Variants in DISC1 observed in about 807,000 individuals in gnomAD.
DISC1 encodes disrupted in schizophrenia 1 protein.
In DISC1, 57 loss-of-function variants were observed where a neutral mutation model predicts 84.5. The ratio of observed to expected loss-of-function variants is 0.67; its 90% CI spans 0.55 to 0.84. The LOEUF (loss-of-function observed/expected upper bound fraction) is 0.84. Among genes scored for constraint, DISC1 ranks in the 40% least tolerant of loss-of-function variants. The pLI is 0.00. For missense variants in DISC1, 1,000 were observed against 1,057.8 expected (o/e 0.95, Z 0.76); for synonymous variants, 411 against 415.2 (o/e 0.99, Z 0.12).
At position 231,693,916 on chromosome 1, in the gene DISC1, G is replaced by A; in HGVS notation, c.158G>A (p.Gly53Glu). The A allele has an allele frequency of 6.2e-7, 1 of 1,614,210 alleles. No individual in the cohort carries two copies. The highest frequency in any genetic ancestry group is 8.5e-7 in the Non-Finnish European group (1 of 1,180,038). ...PGYMRSSTGPGIGFLSPAVGT... is the reference protein window; with the variant it reads ...PGYMRSSTGPEIGFLSPAVGT... ...TACATGAGAAGCTCGACAGGGCCTG[G>A]GATCGGGTTCCTTTCCCCAGCAGTG... is the stretch of plus-strand genomic sequence containing the variant. Residue 53 changes from glycine to glutamate, a missense_variant, in exon 2 of 13, where the codon GGG becomes GAG. Transcript: ENST00000439617.
chr1:231,848,043 G>A (rs2083589823), intron 9 of DISC1, among the ~76,000 whole-genome samples: 1 of 152,206 alleles, frequency 6.6e-6, no homozygotes, highest in African/African-American at 2.4e-5. Flanking sequence ...AAAGGAGGCA[G>A]TTTGCCTGAG....
At chr1:231,709,988 G>C (rs933857381) in intron 3 of DISC1, among the ~76,000 whole-genome samples, 3 of 152,122 alleles carry the variant, frequency 2.0e-5, no homozygotes, top group African/African-American at 7.2e-5. Context: ...TGGGATTCCA[G>C]GTAGGTCTTG....
intron 5 of DISC1, among the ~76,000 whole-genome samples, chr1:231,770,297 T>A (rs946150019): frequency 7.9e-5 from 12 of 152,198 alleles, no homozygotes; most frequent in Non-Finnish European, 1.5e-4. Context: ...TAACATTTAT[T>A]TATATTTTCA....
intron 11 of DISC1, among the ~76,000 whole-genome samples, chr1:232,013,692 G>A (rs556405825): frequency 6.6e-6 from 1 of 152,168 alleles, no homozygotes; most frequent in East Asian, 1.9e-4. Flanking sequence ...ATAGACTGGG[G>A]GGTGAGCGGA....
chr1:231,636,430 C>T (rs974247106), intron 1 of DISC1, among the ~76,000 whole-genome samples: 2 of 152,106 alleles, frequency 1.3e-5, no homozygotes, highest in Admixed American at 6.5e-5. Context: ...GGAGGATGAG[C>T]GCTGCACTCC....
chr1:231,651,774 C>T (rs2060645709), intron 1 of DISC1, among the ~76,000 whole-genome samples: 2 of 151,998 alleles, frequency 1.3e-5, no homozygotes, highest in South Asian at 4.2e-4. Flanking sequence ...GCTTTGTTTA[C>T]CTACTCAAGC....
chr1:231,708,528 C>CCTT (rs2067387707), intron 3 of DISC1, among the ~76,000 whole-genome samples: 1 of 152,158 alleles, frequency 6.6e-6, no homozygotes, highest in Non-Finnish European at 1.5e-5. Context: ...GCATACGACC[C>CCTT]CCTTTGCAGG....
intron 9 of DISC1, among the ~76,000 whole-genome samples, chr1:231,837,691 C>T (rs559363565): frequency 5.0e-4 from 76 of 151,962 alleles, no homozygotes; most frequent in African/African-American, 1.7e-3. Context: ...AATGATGGGG[C>T]GAAGGTGAAA....
At chr1:231,629,717 A>C (rs2058550792) in intron 1 of DISC1, 1 of 152,428 alleles carries the variant, frequency 6.6e-6, no homozygotes, top group South Asian at 2.1e-4. Flanking sequence ...AAATGACAAA[A>C]ATAGTACTTG....
chr1:231,693,784 A>G (rs368126925), intron 1 of DISC1, 42 bp from the exon 2 acceptor site: 26 of 1,611,370 alleles, frequency 1.6e-5, no homozygotes, highest in Non-Finnish European at 2.1e-5. Context: ...TGGGCCAGTA[A>G]GATCTGCATG....
At chr1:231,991,893 A>G (rs1665256109) in intron 10 of DISC1, among the ~76,000 whole-genome samples, 1 of 152,120 alleles carries the variant, frequency 6.6e-6, no homozygotes, top group African/African-American at 2.4e-5. Flanking sequence ...AGAAAATTCA[A>G]ATGGAATCAT....
chr1:231,840,822 C>T (rs1259500870), intron 9 of DISC1, among the ~76,000 whole-genome samples: 2 of 152,054 alleles, frequency 1.3e-5, no homozygotes, highest in African/African-American at 4.8e-5. Context: ...TCTTTAGGGG[C>T]CTTGGGATTG....
intron 1 of DISC1, among the ~76,000 whole-genome samples, chr1:231,672,934 G>A (rs962971884): frequency 1.3e-5 from 2 of 152,116 alleles, no homozygotes; most frequent in Admixed American, 6.5e-5. Flanking sequence ...TTTGATGCAC[G>A]TGACCCCCAG....
chr1:232,013,203 A>G (rs182843588), intron 11 of DISC1, among the ~76,000 whole-genome samples: 84 of 152,076 alleles, frequency 5.5e-4, no homozygotes, highest in South Asian at 1.0e-3. Context: ...TTTCTACATA[A>G]TGGGCTCCCT....
At chr1:231,946,549 C>T (rs1221881164) in intron 9 of DISC1, among the ~76,000 whole-genome samples, 1 of 152,100 alleles carries the variant, frequency 6.6e-6, no homozygotes, top group East Asian at 1.9e-4. Context: ...TGAAAACCAA[C>T]ACAAGACAAG....
intron 10 of DISC1, among the ~76,000 whole-genome samples, chr1:231,988,919 A>G (rs1250193601): frequency 2.6e-5 from 4 of 152,216 alleles, no homozygotes; most frequent in African/African-American, 4.8e-5. Flanking sequence ...GCCCCGAACA[A>G]TGCTGACCCA....
intron 10 of DISC1, among the ~76,000 whole-genome samples, chr1:232,004,645 T>C (rs1445977828): frequency 6.6e-6 from 1 of 152,178 alleles, no homozygotes; most frequent in African/African-American, 2.4e-5. Context: ...TATGAAAAGA[T>C]AATTCACAGA....
chr1:232,006,858 G>A (rs1025297662), intron 10 of DISC1, among the ~76,000 whole-genome samples: 2 of 152,158 alleles, frequency 1.3e-5, no homozygotes, highest in Non-Finnish European at 1.5e-5. Flanking sequence ...GGAGACCTAG[G>A]AGGAAAATAT....
At chr1:231,779,698 T>C (rs906675195) in intron 6 of DISC1, among the ~76,000 whole-genome samples, 36 of 151,920 alleles carry the variant, frequency 2.4e-4, no homozygotes, top group African/African-American at 8.2e-4. Context: ...TAGCTGGGAC[T>C]ACAGGCACCG....
Sources: allele counts gnomAD v4.1 joint callset (sites outside exome capture counted in the v4.1 genomes callset), GRCh38; gene constraint gnomAD v4.1.1; transcripts MANE v1.5; gene names NCBI Gene and HGNC (gene_info 2026-07-23, HGNC 2026-07-21).